Variants in DAAM1 observed in about 807,000 individuals in gnomAD.
The protein encoded by DAAM1 is dishevelled associated activator of morphogenesis 1.
DAAM1 carries 52 observed loss-of-function variants against 130.0 expected under a neutral mutation model. The ratio of observed to expected loss-of-function variants is 0.40; its 90% CI spans 0.32 to 0.50. The LOEUF is 0.50. Ranked by LOEUF, DAAM1 falls within the 20% of genes least tolerant of loss-of-function variation. The pLI, the probability that DAAM1 is intolerant of heterozygous loss-of-function variation, is 0.61. For synonymous variants in DAAM1, 452 were observed against 444.5 expected (o/e 1.02, Z -0.21); for missense variants, 1,134 against 1,303.8 (o/e 0.87, Z 2.01).
intron 3 of DAAM1, among the ~76,000 whole-genome samples, chr14:59,293,114 A>G (rs1426255932): frequency 2.0e-5 from 3 of 152,290 alleles, no homozygotes; most frequent in African/African-American, 4.8e-5. Flanking sequence ...GACTTTGTCT[A>G]TTTTGGCTCA....
At chr14:59,344,114 G>A (rs138178636) in intron 16 of DAAM1, among the ~76,000 whole-genome samples, 2,536 of 152,284 alleles carry the variant, frequency 0.017, 29 homozygotes, top group Middle Eastern at 0.034. Context: ...GAACCCACCT[G>A]AAACACAGTT....
At chr14:59,293,036 C>T (rs897020737) in intron 3 of DAAM1, among the ~76,000 whole-genome samples, 1 of 152,196 alleles carries the variant, frequency 6.6e-6, no homozygotes, top group Non-Finnish European at 1.5e-5. Flanking sequence ...ACTTTTCACA[C>T]TGCCATCTTA....
chr14:59,226,256 G>T (rs1027312429), intron 1 of DAAM1, among the ~76,000 whole-genome samples: 3 of 152,122 alleles, frequency 2.0e-5, no homozygotes, highest in Non-Finnish European at 4.4e-5. Flanking sequence ...TTGTACCTCT[G>T]TAAGAGCATA....
At chr14:59,285,578 G>T (rs1883411034) in intron 2 of DAAM1, among the ~76,000 whole-genome samples, 1 of 152,222 alleles carries the variant, frequency 6.6e-6, no homozygotes, top group African/African-American at 2.4e-5. Context: ...CAAAGTAAAA[G>T]AAGTGTCAGG....
At chr14:59,301,934 C>A (rs571899216) in intron 3 of DAAM1, among the ~76,000 whole-genome samples, 61 of 152,236 alleles carry the variant, frequency 4.0e-4, no homozygotes, top group African/African-American at 1.4e-3. Flanking sequence ...TTTGTGGATA[C>A]CATCTCTCCT....
At position 59,268,135 on chromosome 14, in the gene DAAM1, T is replaced by C. The variant is rs556307617; in HGVS notation, c.183+4475T>C. ...TCAGGCTGGTCTCGAACTCCTGACC[T>C]TGTGATCCGCCCACCTCAGCCTCCC... On this transcript the variant is annotated intron_variant, in intron 2 of 24. Coordinates refer to ENST00000360909, the MANE Select transcript of DAAM1 (RefSeq NM_001270520.2). Among the ~76,000 whole-genome samples, 8 of 152,260 alleles carry C rather than the reference T, an allele frequency of 5.3e-5. No homozygotes were observed. The East Asian group carries it at 1.5e-3, about 29-fold the overall frequency.
intron 4 of DAAM1, among the ~76,000 whole-genome samples, chr14:59,317,730 G>A (rs1884844593): frequency 2.6e-5 from 4 of 152,160 alleles, no homozygotes. Context: ...CTCCAGAAAG[G>A]TTACCTTGCC....
intron 1 of DAAM1, among the ~76,000 whole-genome samples, chr14:59,194,877 T>C (rs1887836564): frequency 6.6e-6 from 1 of 152,234 alleles, no homozygotes. Flanking sequence ...TCCAATGCAG[T>C]TGGTGCGATT....
intron 1 of DAAM1, among the ~76,000 whole-genome samples, chr14:59,233,042 T>A (rs1292388782): frequency 6.6e-6 from 1 of 152,192 alleles, no homozygotes; most frequent in Non-Finnish European, 1.5e-5. Context: ...CTATTATTGA[T>A]GGGCATTAGG....
In DAAM1 at chr14:59,283,808, T is replaced by C. The variant is rs533126626; in HGVS notation, c.184-7409T>C. Among the ~76,000 whole-genome samples the C allele has an allele frequency of 2.0e-5, 3 of 152,264 alleles. No individual in the cohort carries two copies. The South Asian group carries it at 6.2e-4, about 32-fold the overall frequency. ...ACAAGATACTGTGTAAGGTGATAACTAGAAGCAAGCCTGGCAAACTCAGTT... is the reference window on the plus strand; with the variant it reads ...ACAAGATACTGTGTAAGGTGATAACCAGAAGCAAGCCTGGCAAACTCAGTT... On this transcript the variant is annotated intron_variant, in intron 2 of 24. Transcript: ENST00000360909.
chr14:59,243,498 C>T (rs1594776493), intron 1 of DAAM1, among the ~76,000 whole-genome samples: 2 of 152,204 alleles, frequency 1.3e-5, no homozygotes, highest in African/African-American at 4.8e-5. Context: ...GTGAGCCCCA[C>T]ATCCATGTGC....
At chr14:59,268,197 G>A (rs888750486) in intron 2 of DAAM1, among the ~76,000 whole-genome samples, 3 of 152,058 alleles carry the variant, frequency 2.0e-5, no homozygotes, top group Non-Finnish European at 4.4e-5. Context: ...CACCGCGCCC[G>A]GCGCCTGCCA....
intron 3 of DAAM1, among the ~76,000 whole-genome samples, chr14:59,301,798 C>T (rs1884182339): frequency 6.6e-6 from 1 of 152,172 alleles, no homozygotes; most frequent in African/African-American, 2.4e-5. Flanking sequence ...TGTCTATCCC[C>T]CATTCCTAAA....
chr14:59,315,425 A>C, intron 4 of DAAM1, 74 bp downstream of exon 4: 2 of 1,410,486 alleles, frequency 1.4e-6, no homozygotes, highest in Non-Finnish European at 2.0e-6. Context: ...GTTGCACAAT[A>C]AATTCGATTG....
intron 20 of DAAM1, among the ~76,000 whole-genome samples, chr14:59,356,290 A>T (rs376090734): frequency 6.6e-6 from 1 of 152,232 alleles, no homozygotes; most frequent in Non-Finnish European, 1.5e-5. Flanking sequence ...GCAACCTTAA[A>T]TCCATCCAAG....
At chr14:59,216,566 C>G (rs1206061782) in intron 1 of DAAM1, among the ~76,000 whole-genome samples, 1 of 152,068 alleles carries the variant, frequency 6.6e-6, no homozygotes, top group Non-Finnish European at 1.5e-5. Context: ...ACTAAAAGTA[C>G]AAAAACTAGT....
At chr14:59,251,614 C>G (rs1881646084) in intron 1 of DAAM1, among the ~76,000 whole-genome samples, 1 of 152,110 alleles carries the variant, frequency 6.6e-6, no homozygotes, top group East Asian at 1.9e-4. Context: ...AACTTAATGC[C>G]TTTAATCATC....
intron 1 of DAAM1, among the ~76,000 whole-genome samples, chr14:59,213,502 G>T (rs529822336): frequency 6.6e-6 from 1 of 152,234 alleles, no homozygotes; most frequent in East Asian, 1.9e-4. Flanking sequence ...TGACTTGCAG[G>T]CCACTATCCC....
chr14:59,266,943 T>C (rs1035257396), intron 2 of DAAM1, among the ~76,000 whole-genome samples: 2 of 152,240 alleles, frequency 1.3e-5, no homozygotes, highest in Admixed American at 6.5e-5. Context: ...GATAATACCA[T>C]CTTGCTGATA....
Sources: allele counts gnomAD v4.1 joint callset (sites outside exome capture counted in the v4.1 genomes callset), GRCh38; gene constraint gnomAD v4.1.1; transcripts MANE v1.5; gene names NCBI Gene and HGNC (gene_info 2026-07-23, HGNC 2026-07-21).